COMMD1: variants seen among roughly 807,000 people sequenced by gnomAD.
The protein encoded by COMMD1 is COMM domain-containing protein 1.
COMMD1 carries 10 observed loss-of-function variants against 17.2 expected under a neutral mutation model. The observed-to-expected ratio is 0.58, with a 90% CI of 0.36 to 0.99. The LOEUF is 0.99. Among genes scored for constraint, COMMD1 ranks in the 50% least tolerant of loss-of-function variants. The pLI, the probability that COMMD1 is intolerant of heterozygous loss-of-function variation, is 0.01. For synonymous variants in COMMD1, 97 were observed against 91.6 expected (o/e 1.06, Z -0.34); for missense variants, 270 against 231.8 (o/e 1.17, Z -1.07).
At chr2:62,026,810 C>T (rs1669769704) in intron 2 of COMMD1, among the ~76,000 whole-genome samples, 1 of 152,110 alleles carries the variant, frequency 6.6e-6, no homozygotes, top group South Asian at 2.1e-4. Flanking sequence ...AGTGTAGTAA[C>T]ATATACTGTT....
At chr2:62,008,018 C>CA (rs1195683219) in intron 2 of COMMD1, among the ~76,000 whole-genome samples, 2 of 151,954 alleles carry the variant, frequency 1.3e-5, no homozygotes, top group Admixed American at 1.3e-4. Flanking sequence ...CCCATCTCTA[C>CA]AAAAAATATG....
chr2:62,098,908 A>C (rs1474962911), intron 2 of COMMD1, among the ~76,000 whole-genome samples: 1 of 152,196 alleles, frequency 6.6e-6, no homozygotes, highest in African/African-American at 2.4e-5. Flanking sequence ...CTTAAGTGTT[A>C]ATTGGAATTC....
chr2:62,000,642 T>C (rs1668903147), intron 1 of COMMD1, 59 bp from the exon 2 acceptor site: 2 of 1,487,520 alleles, frequency 1.3e-6, no homozygotes, highest in South Asian at 2.3e-5. Context: ...GTTAAGAAGC[T>C]ATCTTTTTCT....
intron 2 of COMMD1, among the ~76,000 whole-genome samples, chr2:62,048,237 C>T (rs909052963): frequency 6.9e-6 from 1 of 144,282 alleles, no homozygotes; most frequent in Non-Finnish European, 1.5e-5. Context: ...GGCTGGAGTG[C>T]AGTGGCGCGA....
At chr2:62,005,206 C>G (rs1669076700) in intron 2 of COMMD1, among the ~76,000 whole-genome samples, 1 of 152,076 alleles carries the variant, frequency 6.6e-6, no homozygotes, top group Non-Finnish European at 1.5e-5. Context: ...TTAAAGGTAG[C>G]CAAAATAATT....
chr2:62,133,037 A>G (rs563487244), intron 2 of COMMD1, among the ~76,000 whole-genome samples: 3 of 152,266 alleles, frequency 2.0e-5, no homozygotes, highest in East Asian at 3.9e-4. Context: ...TCTTTGTTTA[A>G]ACTTGGTTTT....
intron 1 of COMMD1, among the ~76,000 whole-genome samples, chr2:61,946,702 G>A (rs1055111837): frequency 2.0e-5 from 3 of 151,968 alleles, no homozygotes; most frequent in African/African-American, 7.2e-5. Flanking sequence ...TTAAAACCTC[G>A]TAAATAAACC....
At chr2:61,988,107 GC>G (rs1309378046) in intron 1 of COMMD1, among the ~76,000 whole-genome samples, 1 of 152,148 alleles carries the variant, frequency 6.6e-6, no homozygotes, top group Non-Finnish European at 1.5e-5. Context: ...TCATCTAAGA[GC>G]CAAGGCCTGA....
chr2:62,037,586 A>G (rs2103887897), intron 2 of COMMD1, among the ~76,000 whole-genome samples: 1 of 152,304 alleles, frequency 6.6e-6, no homozygotes, highest in South Asian at 2.1e-4. Flanking sequence ...TTCCTTGGGC[A>G]ATTAGGGAGA....
Position 61,977,534 on chromosome 2 carries a change from G to A in COMMD1, c.181-23167G>A, listed in dbSNP as rs920335789. On this transcript the variant is annotated intron_variant, in intron 1 of 2. Transcript: ENST00000311832. ...GCTGGGATTACAGGCATGAGCTGCCGCGCCTGGCCAGTCTGCTAATTTTTA... is the reference window on the plus strand; with the variant it reads ...GCTGGGATTACAGGCATGAGCTGCCACGCCTGGCCAGTCTGCTAATTTTTA... 3.3e-5 allele frequency among the ~76,000 whole-genome samples: 5 copies of A among 151,958 alleles called. No individual in the cohort carries two copies. In the East Asian group the frequency reaches 7.8e-4, roughly 24 times the overall value.
In COMMD1 at chr2:62,083,960, G is replaced by A. The variant is rs545875705; in HGVS notation, c.463-51871G>A. Among the ~76,000 whole-genome samples, 9 of 152,308 alleles carry A rather than the reference G, an allele frequency of 5.9e-5. 1 individual carries two copies. Among genetic ancestry groups the A allele is most frequent in the Admixed American group, 5.9e-4 (9 of 15,290 alleles). ...ACATTGCACTCAGAGTACTCAGTCTGATTGGCTACTGAAATTCTGGCTTCT... is the reference window on the plus strand; with the variant it reads ...ACATTGCACTCAGAGTACTCAGTCTAATTGGCTACTGAAATTCTGGCTTCT... On this transcript the variant is annotated intron_variant, in intron 2 of 2. Transcript: ENST00000311832.
chr2:62,077,953 TC>T (rs1671391723), intron 2 of COMMD1, among the ~76,000 whole-genome samples: 1 of 151,978 alleles, frequency 6.6e-6, no homozygotes, highest in Non-Finnish European at 1.5e-5. Flanking sequence ...AGACCTGGGA[TC>T]AACAGAAAGG....
intron 2 of COMMD1, among the ~76,000 whole-genome samples, chr2:62,115,537 T>C (rs1672567680): frequency 1.3e-5 from 2 of 152,240 alleles, no homozygotes; most frequent in South Asian, 4.1e-4. Flanking sequence ...CAGTGTGTGA[T>C]TATAGATTTG....
intron 2 of COMMD1, among the ~76,000 whole-genome samples, chr2:62,075,688 C>T (rs748546868): frequency 1.3e-5 from 2 of 152,194 alleles, no homozygotes; most frequent in Non-Finnish European, 2.9e-5. Flanking sequence ...TACCCTGGCC[C>T]TAGACCTCTG....
chr2:62,086,050 A>G (rs1236482879), intron 2 of COMMD1, among the ~76,000 whole-genome samples: 1 of 151,968 alleles, frequency 6.6e-6, no homozygotes, highest in African/African-American at 2.4e-5. Flanking sequence ...ACCTAGTCGC[A>G]TCTACTGGGG....
At chr2:62,128,405 C>G (rs1407300254) in intron 2 of COMMD1, among the ~76,000 whole-genome samples, 29 of 151,826 alleles carry the variant, frequency 1.9e-4, no homozygotes. Flanking sequence ...TGTAAAAACC[C>G]TAGAAGAAAA....
intron 1 of COMMD1, among the ~76,000 whole-genome samples, chr2:61,962,146 A>G (rs531778361): frequency 6.6e-6 from 1 of 152,182 alleles, no homozygotes; most frequent in African/African-American, 2.4e-5. Context: ...TAGTCATATG[A>G]TGCTGGGGTA....
chr2:62,122,034 G>A (rs1017085342), intron 2 of COMMD1, among the ~76,000 whole-genome samples: 6 of 152,188 alleles, frequency 3.9e-5, no homozygotes, highest in South Asian at 2.1e-4. Context: ...CAAGTGATCC[G>A]CCTACATAGG....
rs530323432 is a variant in COMMD1, at chr2:62,111,636, A to G, written c.463-24195A>G. Reference sequence around the variant, plus strand: ...AGAGGGGTTCTAGTTTCTGTGACCCACCCTGGGGAAGAAGAATTCTGGTTT... The same window carrying G: ...AGAGGGGTTCTAGTTTCTGTGACCCGCCCTGGGGAAGAAGAATTCTGGTTT... On this transcript the variant is annotated intron_variant, in intron 2 of 2. Coordinates refer to ENST00000311832, the MANE Select transcript of COMMD1 (RefSeq NM_152516.4). Among the ~76,000 whole-genome samples, 11 of 152,192 alleles carry G rather than the reference A, an allele frequency of 7.2e-5. No individual in the cohort carries two copies. In the East Asian group the frequency reaches 1.7e-3, roughly 24 times the overall value.
Sources: allele counts gnomAD v4.1 joint callset (sites outside exome capture counted in the v4.1 genomes callset), GRCh38; gene constraint gnomAD v4.1.1; transcripts MANE v1.5; gene names NCBI Gene and HGNC (gene_info 2026-07-23, HGNC 2026-07-21).